HPS5: variants seen among roughly 807,000 people sequenced by gnomAD.
HPS5 encodes HPS5 biogenesis of lysosomal organelles complex 2 subunit 2.
A neutral mutation model predicts 128.0 loss-of-function variants in HPS5; 83 were observed. The observed-to-expected ratio is 0.65, with a 90% CI of 0.54 to 0.78. HPS5 has a LOEUF of 0.78. HPS5 is among the 30% of genes least tolerant of loss of function. The pLI, the probability that HPS5 is intolerant of heterozygous loss-of-function variation, is 0.00. For missense variants in HPS5, 1,281 were observed against 1,326.2 expected (o/e 0.97, Z 0.53); for synonymous variants, 475 against 470.2 (o/e 1.01, Z -0.13).
rs767601081 is a variant in HPS5 at position 18,283,848 on chromosome 11, G to C, written c.3005C>G (p.Ala1002Gly). 6.2e-7 allele frequency: 1 copy of C among 1,613,266 alleles called. No homozygotes were observed. Among genetic ancestry groups the C allele is most frequent in the Non-Finnish European group, 8.5e-7 (1 of 1,179,562 alleles). The stretch of plus-strand genomic sequence containing the variant: ...ATTCAGATACACAATATTGGTGAAG[G>C]CCTCTCTTCTTCTCTCCAGCTCCAA... ...LCLELERRRE[A>G]FTNIVYLNDM... is the part of the protein sequence containing the mutation. Residue 1002 changes from alanine to glycine, a missense_variant, in exon 21 of 23, where the codon GCC becomes GGC. Ala to Gly is a moderately conservative substitution (Grantham distance 60). Coordinates refer to ENST00000349215, the MANE Select transcript of HPS5 (RefSeq NM_181507.2).
chr11:18,306,307 C>T lies in HPS5; in HGVS notation c.652G>A (p.Glu218Lys), dbSNP rs748893021. The change falls in exon 7 of 23, where the codon GAA becomes AAA. Residue 218 changes from glutamate to lysine, a missense_variant. Transcript: ENST00000349215. ...CCAGGAAAGAAACAAGCTCCATATT[C>T]TCCATCTCTTTCCTTGTTTCCAATT... Reference protein sequence around the residue: ...WKIGNKERDGEYGACFFPGRC... With the variant: ...WKIGNKERDGKYGACFFPGRC... 8.1e-6 allele frequency: 13 copies of T among 1,613,988 alleles called. 1 individual carries two copies. In the Admixed American group the frequency reaches 1.7e-4, roughly 21 times the overall value.
chr11:18,295,531 G>A (rs377423367), intron 13 of HPS5, among the ~76,000 whole-genome samples: 32 of 152,314 alleles, frequency 2.1e-4, no homozygotes, highest in African/African-American at 7.5e-4. Flanking sequence ...CTGTTAACTA[G>A]TCACAATATA....
intron 14 of HPS5, among the ~76,000 whole-genome samples, chr11:18,293,562 A>C (rs1860704480): frequency 6.6e-6 from 1 of 152,218 alleles, no homozygotes; most frequent in African/African-American, 2.4e-5. Context: ...CAAGGTGATA[A>C]GCTCCAGTAA....
chr11:18,318,254 T>C (rs1044667871), intron 1 of HPS5, among the ~76,000 whole-genome samples: 2 of 152,246 alleles, frequency 1.3e-5, no homozygotes, highest in Non-Finnish European at 2.9e-5. Flanking sequence ...TTTCTATGAA[T>C]ACTAAATCTT....
chr11:18,288,239 G>A (rs1170954819), intron 16 of HPS5, among the ~76,000 whole-genome samples: 2 of 152,140 alleles, frequency 1.3e-5, no homozygotes, highest in Non-Finnish European at 2.9e-5. Context: ...CATATTAAAA[G>A]TTTTAAATAA....
chr11:18,285,909 T>G (rs755139771), intron 19 of HPS5, among the ~76,000 whole-genome samples: 4 of 152,224 alleles, frequency 2.6e-5, no homozygotes, highest in Non-Finnish European at 5.9e-5. Flanking sequence ...CCTTGACACA[T>G]TTTTAGGAAG....
At position 18,283,667 on chromosome 11, in the gene HPS5, G is replaced by GTGACA. The variant is rs1859323391; in HGVS notation, c.3058+123_3058+127dup. On this transcript the variant is annotated intron_variant, in intron 21 of 22. Coordinates refer to ENST00000349215, the MANE Select transcript of HPS5 (RefSeq NM_181507.2). Reference sequence around the variant, plus strand: ...AAACAAAAACAAAAACTCCACAAATGTGACAACTAAGTGGAATCACATATT... The same window carrying GTGACA: ...AAACAAAAACAAAAACTCCACAAATGTGACATGACAACTAAGTGGAATCACATATT... 4 of 717,954 alleles carry GTGACA rather than the reference G, an allele frequency of 5.6e-6. No homozygotes were observed. In the South Asian group the frequency reaches 6.1e-5, roughly 11 times the overall value. The allele number at this position is 717,954 out of a possible 1,614,324, so 44.5% of individuals were successfully genotyped here.
chr11:18,284,822 C>T (rs536570194), intron 20 of HPS5, among the ~76,000 whole-genome samples: 108 of 152,302 alleles, frequency 7.1e-4, no homozygotes, highest in African/African-American at 2.5e-3. Flanking sequence ...TGAAGTGTGA[C>T]ATGGATAATA....
At position 18,308,847 on chromosome 11, in the gene HPS5, T is replaced by A. The variant is rs544798572; in HGVS notation, c.611+99A>T. ...AGAAAAAAAAGAAAAAGAAAAAAAA[T>A]CTGTATAACTGATTGATGGGGCTTG... On this transcript the variant is annotated intron_variant, in intron 6 of 22. Coordinates refer to ENST00000349215, the MANE Select transcript of HPS5 (RefSeq NM_181507.2). The A allele has an allele frequency of 1.9e-5, 21 of 1,095,236 alleles. No homozygotes were observed. The African/African-American group carries it at 3.6e-4, about 19-fold the overall frequency. The allele number at this position is 1,095,236 out of a possible 1,614,324, so 67.8% of individuals were successfully genotyped here. A position where few individuals can be genotyped will look rare whatever the true frequency, so the allele number is the denominator to read the frequency against.
rs369401454 is a variant in HPS5 at position 18,296,792 on chromosome 11, C to T, written c.1510+6G>A. ...ATCAGGAACCAACAACAGACACATT[C>T]ATCACCTTCATTTCCGTGTGAGCCA... On this transcript the variant is annotated splice_donor_region_variant and intron_variant, in intron 12 of 22. Coordinates refer to ENST00000349215, the MANE Select transcript of HPS5 (RefSeq NM_181507.2). 3.2e-5 allele frequency: 51 copies of T among 1,613,644 alleles called. No individual in the cohort carries two copies. The highest frequency in any genetic ancestry group is 4.2e-5 in the Non-Finnish European group (50 of 1,179,664).
chr11:18,312,565 A>G (rs562749741), intron 2 of HPS5, among the ~76,000 whole-genome samples: 2 of 152,314 alleles, frequency 1.3e-5, no homozygotes, highest in African/African-American at 2.4e-5. Flanking sequence ...ATCTTCTTCA[A>G]TTTTGTTGCT....
At chr11:18,314,702 GT>G (rs1034039343) in intron 2 of HPS5, among the ~76,000 whole-genome samples, 2 of 151,960 alleles carry the variant, frequency 1.3e-5, no homozygotes, top group Admixed American at 6.6e-5. Context: ...TGTTTTCTGG[GT>G]TTTTTTATTC....
Position 18,279,443 on chromosome 11 carries a change from G to A in HPS5, c.*439C>T. On this transcript the variant is annotated 3_prime_UTR_variant, in exon 23 of 23. Transcript: ENST00000349215. ...GTAATTTCCATATTGTGCCAGACAA[G>A]ATATAAAAATAATTCAACTCCAGTC... 5.6e-6 allele frequency: 1 copy of A among 178,270 alleles called. No homozygotes were observed. Among genetic ancestry groups the A allele is most frequent in the Non-Finnish European group, 1.2e-5 (1 of 82,922 alleles). 11.0% of individuals were successfully genotyped at this position (178,270 alleles called of 1,614,324 possible).
chr11:18,286,323 T>C (rs1859709682), intron 19 of HPS5, among the ~76,000 whole-genome samples: 1 of 152,132 alleles, frequency 6.6e-6, no homozygotes, highest in South Asian at 2.1e-4. Flanking sequence ...GGCAGGTAGA[T>C]CGCTTGAGCC....
chr11:18,294,997 G>A (rs376136953), intron 14 of HPS5, 23 bp downstream of exon 14: 262 of 1,613,462 alleles, frequency 1.6e-4, no homozygotes, highest in Non-Finnish European at 2.2e-4. Flanking sequence ...AGAATGTATA[G>A]AGATTTATGT....
chr11:18,289,336 A>C (rs1014047891), intron 16 of HPS5, among the ~76,000 whole-genome samples: 4 of 152,154 alleles, frequency 2.6e-5, no homozygotes, highest in Admixed American at 1.3e-4. Flanking sequence ...TATCCACCTA[A>C]ATTCAAGTAA....
chr11:18,312,456 C>A (rs904159505), intron 2 of HPS5, among the ~76,000 whole-genome samples: 1 of 152,212 alleles, frequency 6.6e-6, no homozygotes, highest in South Asian at 2.1e-4. Flanking sequence ...ATCCACAAGT[C>A]TTAGGGTAGG....
At position 18,285,449 on chromosome 11, in the gene HPS5, G is replaced by A. The variant is rs769986309; in HGVS notation, c.2848C>T (p.His950Tyr). The A allele has an allele frequency of 3.1e-6, 5 of 1,604,880 alleles. No homozygotes were observed. The South Asian group carries it at 4.4e-5, about 14-fold the overall frequency. Reference protein sequence around the residue: ...DDEGYPRPHSHLLSWGYSQLI... With the variant: ...DDEGYPRPHSYLLSWGYSQLI... ...TGACTGTAACCCCAGGAAAGCAAGT[G>A]TGAATGAGGCCTATGAAATGAAAAG... Residue 950 changes from histidine (H) to tyrosine (Y), a missense_variant, in exon 20 of 23, where the codon CAC becomes TAC. Coordinates refer to ENST00000349215, the MANE Select transcript of HPS5 (RefSeq NM_181507.2).
At chr11:18,282,292 C>A (rs1241483119) in intron 21 of HPS5, 72 bp from the exon 22 acceptor site, 2 of 1,552,326 alleles carry the variant, frequency 1.3e-6, no homozygotes, top group Non-Finnish European at 1.8e-6. Context: ...ATGGTCAAAA[C>A]TGTGAAAATG....
Sources: gnomAD v4.1 joint callset for allele counts (sites outside exome capture counted in the v4.1 genomes callset) on GRCh38, gnomAD v4.1.1 for gene constraint, MANE v1.5 for transcripts, NCBI Gene and HGNC (gene_info 2026-07-23, HGNC 2026-07-21) for gene names.